Variants in HEXA observed in about 807,000 individuals in gnomAD.
HEXA encodes the protein hexosaminidase subunit alpha, also known as beta-hexosaminidase subunit alpha.
A neutral mutation model predicts 73.3 loss-of-function variants in HEXA; 54 were observed. The observed-to-expected ratio is 0.74, with a 90% CI of 0.59 to 0.92. The LOEUF is 0.92. Among genes scored for constraint, HEXA ranks in the 40% least tolerant of loss-of-function variants. The probability of loss-of-function intolerance (pLI) is 0.00; values close to 1 mark genes in which losing one functional copy is unlikely to be tolerated. For missense variants in HEXA, 649 were observed against 653.0 expected (o/e 0.99, Z 0.07); for synonymous variants, 230 against 246.9 (o/e 0.93, Z 0.64).
chr15:72,362,487 G>A, intron 1 of HEXA: 1 of 455,436 alleles, frequency 2.2e-6, no homozygotes, highest in Non-Finnish European at 4.4e-6. Context: ...GAATGATGTT[G>A]GAATTCAAAA....
chr15:72,375,838 T>G lies in HEXA; in HGVS notation c.135A>C (p.Gln45His), dbSNP rs375574405. Residue 45 changes from glutamine to histidine, a missense_variant, in exon 1 of 14, where the codon CAA becomes CAC. Coordinates refer to ENST00000268097, the MANE Select transcript of HEXA (RefSeq NM_000520.6). ...CGGCCGAGCTGACATCGTACTGGAA[T>G]TGAAAGTTGTTCGGGTAAAGGACGT... ...QRYVLYPNNF[Q>H]FQYDVSSAAQ... 1 of 1,614,238 alleles carries G rather than the reference T, an allele frequency of 6.2e-7. No homozygotes were observed. Among genetic ancestry groups the G allele is most frequent in the South Asian group, 1.1e-5 (1 of 91,084 alleles).
Position 72,350,610 on chromosome 15 carries a change from T to A in HEXA, c.713A>T (p.Asp238Val). 1 of 1,614,136 alleles carries A rather than the reference T, an allele frequency of 6.2e-7. No individual in the cohort carries two copies. The highest frequency in any genetic ancestry group is 8.5e-7 in the Non-Finnish European group (1 of 1,180,018). ...NPVTHIYTAQDVKEVIEYARL... is the reference protein window; with the variant it reads ...NPVTHIYTAQVVKEVIEYARL... ...TGCGTATTCAATGACCTCCTTCACA[T>A]CCTGTGCTGTGTAGATGTGGGTGAC... The change falls in exon 7 of 14, where the codon GAT (aspartate) becomes GTT (valine). Residue 238 changes from aspartate to valine, a missense_variant. Transcript: ENST00000268097.
chr15:72,350,681 C>T lies in HEXA; in HGVS notation c.673-31G>A, dbSNP rs747237410. 12 of 1,613,388 alleles carry T rather than the reference C, an allele frequency of 7.4e-6. No individual in the cohort carries two copies. The Admixed American group carries it at 1.0e-4, about 13-fold the overall frequency. On this transcript the variant is annotated intron_variant, in intron 6 of 13. Transcript: ENST00000268097. ...AGGCACAAGACACCCTTCAGGTTCACACTTCCTGAAAGCTAGCAGAGTAGA... is the reference window on the plus strand; with the variant it reads ...AGGCACAAGACACCCTTCAGGTTCATACTTCCTGAAAGCTAGCAGAGTAGA...
chr15:72,375,826 A>G lies in HEXA; in HGVS notation c.147T>C (p.Asp49=). 1 of 1,614,256 alleles carries G rather than the reference A, an allele frequency of 6.2e-7. No individual in the cohort carries two copies. Among genetic ancestry groups the G allele is most frequent in the Non-Finnish European group, 8.5e-7 (1 of 1,180,044 alleles). The stretch of plus-strand genomic sequence containing the variant: ...AGCCGGGCTGCGCGGCCGAGCTGAC[A>G]TCGTACTGGAATTGAAAGTTGTTCG... ...LYPNNFQFQY[D]VSSAAQPGCS... The change falls in exon 1 of 14, where the codon GAT becomes GAC. Residue 49 remains aspartate (D), a synonymous_variant. Coordinates refer to ENST00000268097, the MANE Select transcript of HEXA (RefSeq NM_000520.6).
intron 1 of HEXA, among the ~76,000 whole-genome samples, chr15:72,366,743 A>ATCC (rs746535444): frequency 1.3e-5 from 2 of 151,544 alleles, no homozygotes; most frequent in African/African-American, 4.8e-5. Flanking sequence ...ATCCAACAAC[A>ATCC]TCCTCCTCCT....
intron 5 of HEXA, among the ~76,000 whole-genome samples, chr15:72,352,782 G>A (rs1208134665): frequency 6.6e-6 from 1 of 151,842 alleles, no homozygotes; most frequent in Non-Finnish European, 1.5e-5. Flanking sequence ...TCCTGCCTCA[G>A]CCTCCCAGGT....
At chr15:72,369,784 C>T (rs1177507511) in intron 1 of HEXA, among the ~76,000 whole-genome samples, 2 of 152,148 alleles carry the variant, frequency 1.3e-5, no homozygotes, top group African/African-American at 4.8e-5. Context: ...GAGGCTTATG[C>T]CTTGAACAGG....
At chr15:72,344,229 C>G in intron 13 of HEXA, 89 bp from the exon 14 acceptor site, 1 of 888,294 alleles carries the variant, frequency 1.1e-6, no homozygotes, top group Non-Finnish European at 1.9e-6. Context: ...TCTCTCCTTC[C>G]CCATTTCGGT....
chr15:72,375,357 A>C (rs1442189860), intron 1 of HEXA, among the ~76,000 whole-genome samples: 1 of 152,022 alleles, frequency 6.6e-6, no homozygotes, highest in Non-Finnish European at 1.5e-5. Context: ...ATGTGCCAGA[A>C]ACTTGTATGT....
At chr15:72,355,522 C>T in intron 3 of HEXA, 37 bp downstream of exon 3, 2 of 1,457,234 alleles carry the variant, frequency 1.4e-6, no homozygotes, top group Non-Finnish European at 1.9e-6. Flanking sequence ...CCACATCATC[C>T]TTTCTCTCTC....
chr15:72,344,291 G>A (rs2088583447), intron 13 of HEXA, 151 bp from the exon 14 acceptor site: 2 of 690,832 alleles, frequency 2.9e-6, no homozygotes, highest in Non-Finnish European at 5.3e-6. Flanking sequence ...CTCAATTCCA[G>A]AGATTCTCAC....
At chr15:72,346,375 G>A in intron 11 of HEXA, 50 bp from the exon 12 acceptor site, 2 of 1,544,402 alleles carry the variant, frequency 1.3e-6, no homozygotes, top group Non-Finnish European at 1.8e-6. Context: ...GTAACTCCAG[G>A]GTCCCTCTCA....
intron 2 of HEXA, chr15:72,356,012 G>T: frequency 4.3e-6 from 2 of 460,758 alleles, no homozygotes; most frequent in Non-Finnish European, 8.6e-6. Flanking sequence ...TGCTCCCAAT[G>T]CCTTTGTAAT....
chr15:72,351,390 T>C, intron 5 of HEXA, 156 bp from the exon 6 acceptor site: 1 of 690,240 alleles, frequency 1.4e-6, no homozygotes, highest in East Asian at 2.7e-5. Context: ...CTATCAAACC[T>C]TCCCATCAGG....
In HEXA at chr15:72,342,051, GAC is replaced by G. The variant is rs985316110; in HGVS notation, c.*2024_*2025del. The G allele has an allele frequency of 2.0e-4, 31 of 152,210 alleles. No individual in the cohort carries two copies. The highest frequency in any genetic ancestry group is 7.2e-4 in the African/African-American group (30 of 41,518). The allele number at this position is 152,210 out of a possible 1,614,324, so 9.4% of individuals were successfully genotyped here. On this transcript the variant is annotated 3_prime_UTR_variant, in exon 14 of 14. Coordinates refer to ENST00000268097, the MANE Select transcript of HEXA (RefSeq NM_000520.6). Reference sequence around the variant, plus strand: ...CAAGCAATAGTAACATGAAAGTTATGACCAGGAGGGAAGCAGGGTCGCACCTG... The same window carrying G: ...CAAGCAATAGTAACATGAAAGTTATGCAGGAGGGAAGCAGGGTCGCACCTG...
chr15:72,367,071 GT>G (rs1263544233), intron 1 of HEXA, among the ~76,000 whole-genome samples: 1 of 152,084 alleles, frequency 6.6e-6, no homozygotes, highest in Non-Finnish European at 1.5e-5. Flanking sequence ...AGCCTCCAGA[GT>G]AGCTGGGATT....
chr15:72,375,085 T>TG (rs58016062), intron 1 of HEXA, among the ~76,000 whole-genome samples: 5,834 of 137,096 alleles, frequency 0.043, 141 homozygotes, highest in East Asian at 0.11. Flanking sequence ...TTGTTTTGTT[T>TG]GGGGGGGGGG....
rs2088724431 is a variant in HEXA, at chr15:72,353,146, A to T, written c.492T>A (p.Phe164Leu). The T allele has an allele frequency of 6.2e-7, 1 of 1,612,640 alleles. No individual in the cohort carries two copies. Among genetic ancestry groups the T allele is most frequent in the African/African-American group, 1.3e-5 (1 of 74,994 alleles). ...FFINKTEIED[F>L]PRFPHRGLLL... ...GCAAGCCCCGGTGAGGAAAGCGGGG[A>T]AAGTCCTCAATCTCAGTCTTGTTGA... The change falls in exon 5 of 14, where the codon TTT becomes TTA. Residue 164 changes from phenylalanine (F) to leucine (L), a missense_variant. Coordinates refer to ENST00000268097, the MANE Select transcript of HEXA (RefSeq NM_000520.6).
intron 7 of HEXA, chr15:72,350,307 A>ATAG (rs2140323920): frequency 1.6e-6 from 1 of 609,418 alleles, no homozygotes; most frequent in Non-Finnish European, 2.9e-6. Context: ...GTGCCCTTAC[A>ATAG]TAGTCTAACA....
Sources: allele counts gnomAD v4.1 joint callset (sites outside exome capture counted in the v4.1 genomes callset), GRCh38; gene constraint gnomAD v4.1.1; transcripts MANE v1.5; gene names NCBI Gene and HGNC (gene_info 2026-07-23, HGNC 2026-07-21).